Variants in TDRD6 observed in about 807,000 individuals in gnomAD.
The protein encoded by TDRD6 is tudor domain-containing protein 6.
TDRD6 carries 186 observed loss-of-function variants against 157.5 expected under a neutral mutation model. The ratio of observed to expected loss-of-function variants is 1.18; its 90% CI spans 1.05 to 1.33. The LOEUF is 1.33. Among genes scored for constraint, TDRD6 ranks in the 40% most tolerant of loss-of-function variants. TDRD6 has a pLI of 0.00. For synonymous variants in TDRD6, 1,075 were observed against 945.2 expected (o/e 1.14, Z -2.52); for missense variants, 3,066 against 2,508.0 (o/e 1.22, Z -4.75).
In TDRD6 at chr6:46,696,601, AT is replaced by A. The variant is rs1157915506; in HGVS notation, c.6171+684del. Among the ~76,000 whole-genome samples the A allele has an allele frequency of 5.2e-4, 6 of 11,536 alleles. No individual in the cohort carries two copies. In the Admixed American group the frequency reaches 6.8e-3, roughly 13 times the overall value. The allele number at this position is 11,536 out of a possible 152,430, so 7.6% of individuals were successfully genotyped here. A position where few individuals can be genotyped will look rare whatever the true frequency, so the allele number is the denominator to read the frequency against. On this transcript the variant is annotated intron_variant, in intron 2 of 3. Transcript: ENST00000316081. ...TGTGTGTATATATATATATATATAT[AT>A]TTTTTTTTTTTTTTTTTTTTTTTTT... is the stretch of plus-strand genomic sequence containing the variant.
Position 46,703,649 on chromosome 6 carries a change from G to A in TDRD6, c.*1762G>A, listed in dbSNP as rs1764678582. ...TTTTCCATGATTCCCATATTTATAAGTATAAATTCTTAAGCTATATTTTTA... is the reference window on the plus strand; with the variant it reads ...TTTTCCATGATTCCCATATTTATAAATATAAATTCTTAAGCTATATTTTTA... On this transcript the variant is annotated 3_prime_UTR_variant, in exon 4 of 4. Transcript: ENST00000316081. The A allele has an allele frequency of 6.6e-6, 1 of 152,102 alleles. No individual in the cohort carries two copies. Among genetic ancestry groups the A allele is most frequent in the South Asian group, 2.1e-4 (1 of 4,820 alleles). The allele number at this position is 152,102 out of a possible 1,614,324, so 9.4% of individuals were successfully genotyped here. A position where few individuals can be genotyped will look rare whatever the true frequency, so the allele number is the denominator to read the frequency against.
chr6:46,687,807 G>A (rs1271710904), upstream of TDRD6: 2 of 305,866 alleles, frequency 6.5e-6, no homozygotes, highest in South Asian at 5.5e-5. Context: ...GCCCTTAGGC[G>A]TTAGGCCAAC....
intron 3 of TDRD6, chr6:46,700,958 T>G (rs753502978): frequency 2.8e-5 from 11 of 387,676 alleles, no homozygotes; most frequent in South Asian, 2.2e-4. Flanking sequence ...TTTGTACTCG[T>G]GATAAAGAAT....
At position 46,688,052 on chromosome 6, in the gene TDRD6, A is replaced by C. The variant is rs2150674908; in HGVS notation, c.-77A>C. 1 of 1,394,160 alleles carries C rather than the reference A, an allele frequency of 7.2e-7. No homozygotes were observed. The highest frequency in any genetic ancestry group is 9.2e-7 in the Non-Finnish European group (1 of 1,082,312). 86.4% of individuals were successfully genotyped at this position (1,394,160 alleles called of 1,614,324 possible). ...CCTAGTTTGGCTGGGACTCGCCTTC[A>C]GGCGGCGCGGAGGATTTCGAGGCCC... On this transcript the variant is annotated 5_prime_UTR_variant, in exon 1 of 4. Transcript: ENST00000316081.
At chr6:46,696,549 A>G (rs1164461809) in intron 2 of TDRD6, among the ~76,000 whole-genome samples, 60 of 65,142 alleles carry the variant, frequency 9.2e-4, no homozygotes, top group African/African-American at 4.0e-3. Context: ...ATATATGTAT[A>G]TATGTGTGTG....
At chr6:46,686,701 C>G (rs1271825615), upstream of TDRD6, among the ~76,000 whole-genome samples, 1 of 152,252 alleles carries the variant, frequency 6.6e-6, no homozygotes, top group African/African-American at 2.4e-5. Context: ...TTCATTCATT[C>G]ATTCATTCAT....
chr6:46,694,303 A>T, intron 1 of TDRD6, 129 bp downstream of exon 1: 1 of 616,636 alleles, frequency 1.6e-6, no homozygotes, highest in Non-Finnish European at 2.6e-6. Context: ...CCCAGGCTCT[A>T]GTGATTTTCC....
rs1280361172 is a variant in TDRD6 at position 46,688,801 on chromosome 6, C to A, written c.673C>A (p.Pro225Thr). 2 of 1,611,274 alleles carry A rather than the reference C, an allele frequency of 1.2e-6. No individual in the cohort carries two copies. The highest frequency in any genetic ancestry group is 3.3e-5 in the Admixed American group (2 of 60,002). ...CACTGCTAGCGTGGGCTCCGGGGTC[C>A]CGGTTCTCTCGCGAGTCCCGCTCAA... ...AATASVGSGV[P>T]VLSRVPLKQK... Residue 225 changes from proline (P) to threonine (T), a missense_variant, in exon 1 of 4, where the codon CCG becomes ACG. Coordinates refer to ENST00000316081, the MANE Select transcript of TDRD6 (RefSeq NM_001010870.3).
Position 46,693,813 on chromosome 6 carries a change from T to C in TDRD6, c.5685T>C (p.Leu1895=). ...CCATGGAGCTATTTACACTGCAGCTTCCTCTCAGCTGTGAAGCTGAGAAAC... is the reference window on the plus strand; with the variant it reads ...CCATGGAGCTATTTACACTGCAGCTCCCTCTCAGCTGTGAAGCTGAGAAAC... ...KGAMELFTLQ[L]PLSCEAEKQP... Residue 1895 remains leucine (L), a synonymous_variant, in exon 1 of 4, where the codon CTT becomes CTC. Transcript: ENST00000316081. 1 of 1,614,138 alleles carries C rather than the reference T, an allele frequency of 6.2e-7. No homozygotes were observed.
At chr6:46,680,637 C>G in the TDRD6 span, among the ~76,000 whole-genome samples, 2 of 152,180 alleles carry the variant, frequency 1.3e-5, no homozygotes, top group Non-Finnish European at 2.9e-5. Flanking sequence ...CCTATATACA[C>G]ACATACTAAA....
upstream of TDRD6, among the ~76,000 whole-genome samples, chr6:46,684,365 TTGTGTGTG>T (rs56327636): frequency 8.9e-4 from 131 of 147,090 alleles, no homozygotes; most frequent in Middle Eastern, 7.0e-3. Flanking sequence ...AAGCACACAT[TTGTGTGTG>T]TGTGTGTGTG....
At position 46,691,155 on chromosome 6, in the gene TDRD6, A is replaced by T. The variant is rs9381471; in HGVS notation, c.3027A>T (p.Ala1009=). The T allele has an allele frequency of 0.017, 26,766 of 1,613,682 alleles. 1,973 individuals carry two copies. The Admixed American group carries it at 0.2, about 12-fold the overall frequency. The change falls in exon 1 of 4, where the codon GCA becomes GCT. Residue 1009 remains alanine, a synonymous_variant. Transcript: ENST00000316081. The stretch of plus-strand genomic sequence containing the variant: ...TTTATTGCCAGCTGGCAAGAAATGC[A>T]AATATTTTAGAACAGTTGTCATGTA... ...WTFYCQLARN[A]NILEQLSCSI... is the part of the protein sequence containing the mutation.
Position 46,692,837 on chromosome 6 carries a change from T to G in TDRD6, c.4709T>G (p.Ile1570Ser). Residue 1570 changes from isoleucine (I) to serine (S), a missense_variant, in exon 1 of 4, where the codon ATT becomes AGT. Transcript: ENST00000316081. The part of the protein sequence containing the change: ...DRRNCIPCPY[I>S]GDPCIVRYRE... ...AGAAATTGTATCCCATGTCCTTATA[T>G]TGGAGATCCTTGTATAGTAAGATAC... The G allele has an allele frequency of 6.2e-7, 1 of 1,614,032 alleles. No homozygotes were observed. The highest frequency in any genetic ancestry group is 1.3e-5 in the African/African-American group (1 of 75,062).
At chr6:46,695,973 C>A (rs780827873) in intron 2 of TDRD6, 28 bp downstream of exon 2, 8 of 1,600,806 alleles carry the variant, frequency 5.0e-6, no homozygotes, top group Non-Finnish European at 6.8e-6. Flanking sequence ...ACTTTATCTC[C>A]AAATGTATTT....
Position 46,691,395 on chromosome 6 carries a change from A to T in TDRD6, c.3267A>T (p.Leu1089Phe), listed in dbSNP as rs771220255. 5.6e-6 allele frequency: 9 copies of T among 1,614,084 alleles called. No individual in the cohort carries two copies. The highest frequency in any genetic ancestry group is 2.2e-5 in the South Asian group (2 of 91,066). Residue 1089 changes from leucine (L) to phenylalanine (F), a missense_variant, in exon 1 of 4, where the codon TTA becomes TTT. By Grantham distance (22) the Leu-to-Phe change is conservative. Transcript: ENST00000316081. ...TACCTAGTGATGCATATGATGTCTT[A>T]CTTTTGCCCATGCAAGCTGTCAGAT... is the stretch of plus-strand genomic sequence containing the variant. ...LPIPSDAYDV[L>F]LLPMQAVRCS...
Position 46,692,841 on chromosome 6 carries a change from A to T in TDRD6, c.4713A>T (p.Gly1571=). Residue 1571 remains glycine (G), a synonymous_variant, in exon 1 of 4, where the codon GGA becomes GGT. Transcript: ENST00000316081. ...RRNCIPCPYI[G]DPCIVRYRED... is the part of the protein sequence containing the mutation. ...ATTGTATCCCATGTCCTTATATTGGAGATCCTTGTATAGTAAGATACAGAG... is the reference window on the plus strand; with the variant it reads ...ATTGTATCCCATGTCCTTATATTGGTGATCCTTGTATAGTAAGATACAGAG... 1 of 1,613,970 alleles carries T rather than the reference A, an allele frequency of 6.2e-7. No individual in the cohort carries two copies. Among genetic ancestry groups the T allele is most frequent in the Non-Finnish European group, 8.5e-7 (1 of 1,179,932 alleles).
At chr6:46,697,618 G>C (rs1237682873) in intron 2 of TDRD6, among the ~76,000 whole-genome samples, 2 of 152,118 alleles carry the variant, frequency 1.3e-5, no homozygotes, top group East Asian at 3.9e-4. Context: ...CAGGTGCAGT[G>C]GCTTATGCCT....
At position 46,689,013 on chromosome 6, in the gene TDRD6, T is replaced by C; in HGVS notation, c.885T>C (p.Asp295=). 1 of 1,613,608 alleles carries C rather than the reference T, an allele frequency of 6.2e-7. No homozygotes were observed. Among genetic ancestry groups the C allele is most frequent in the East Asian group, 2.2e-5 (1 of 44,836 alleles). ...QVYRGSTGTG[D]ENSTSATWEE... Reference sequence around the variant, plus strand: ...ACCGGGGTTCCACGGGGACAGGGGATGAGAACTCTACCAGTGCCACCTGGG... The same window carrying C: ...ACCGGGGTTCCACGGGGACAGGGGACGAGAACTCTACCAGTGCCACCTGGG... Residue 295 remains aspartate (D), a synonymous_variant, in exon 1 of 4, where the codon GAT becomes GAC. Transcript: ENST00000316081.
chr6:46,687,590 T>C (rs1235537725), upstream of TDRD6: 1 of 152,272 alleles, frequency 6.6e-6, no homozygotes, highest in Admixed American at 6.5e-5. Context: ...GGAACGCCAC[T>C]GGCTAGTACC....
Sources: gnomAD v4.1 joint callset for allele counts (sites outside exome capture counted in the v4.1 genomes callset) on GRCh38, gnomAD v4.1.1 for gene constraint, MANE v1.5 for transcripts, NCBI Gene and HGNC (gene_info 2026-07-23, HGNC 2026-07-21) for gene names.